Variants in FOXN3 observed in about 807,000 individuals in gnomAD.
FOXN3 encodes the protein forkhead box N3, also known as forkhead box protein N3.
Under a neutral mutation model 38.4 loss-of-function variants are expected in FOXN3, and 7 were observed. That is an observed-to-expected ratio of 0.18 (90% CI 0.10 to 0.34). FOXN3 has a LOEUF of 0.34. Ranked by LOEUF, FOXN3 falls within the 10% of genes least tolerant of loss-of-function variation. The pLI is 1.00. For synonymous variants in FOXN3, 230 were observed against 242.2 expected, an observed-to-expected ratio of 0.95 and a Z score of 0.47; for missense variants, 456 against 613.4, an observed-to-expected ratio of 0.74 and a Z score of 2.71.
chr14:89,238,251 T>C (rs556835230), intron 4 of FOXN3, among the ~76,000 whole-genome samples: 118 of 152,334 alleles, frequency 7.7e-4, no homozygotes, highest in Non-Finnish European at 1.3e-3. Context: ...GCAACATCAA[T>C]GGTAACTGTG....
intron 1 of FOXN3, among the ~76,000 whole-genome samples, chr14:89,513,096 C>T (rs1035196574): frequency 1.0e-4 from 15 of 146,956 alleles, no homozygotes; most frequent in Admixed American, 7.0e-4. Flanking sequence ...GCCGAGATCG[C>T]GCCACTGCAC....
chr14:89,377,487 T>C (rs1212154394), intron 2 of FOXN3, among the ~76,000 whole-genome samples: 1 of 152,202 alleles, frequency 6.6e-6, no homozygotes, highest in Non-Finnish European at 1.5e-5. Context: ...CTGAAAAGTT[T>C]ACAGGTGAGG....
chr14:89,424,976 A>G (rs1215576401), intron 1 of FOXN3, among the ~76,000 whole-genome samples: 1 of 152,100 alleles, frequency 6.6e-6, no homozygotes, highest in Admixed American at 6.5e-5. Flanking sequence ...CTTATCTGAT[A>G]CAAGAGGAGA....
chr14:89,376,483 A>C (rs943364991), intron 2 of FOXN3, among the ~76,000 whole-genome samples: 6 of 152,204 alleles, frequency 3.9e-5, no homozygotes, highest in African/African-American at 1.4e-4. Flanking sequence ...AATTAGAAAA[A>C]TCACCATTTT....
chr14:89,362,148 C>T (rs368002088), intron 2 of FOXN3, among the ~76,000 whole-genome samples: 347 of 10,324 alleles, frequency 0.034, 3 homozygotes, highest in Non-Finnish European at 0.039. Context: ...CCTCCAGCAC[C>T]ACCTCCACCA....
chr14:89,602,513 T>C (rs1292204383), intron 1 of FOXN3, among the ~76,000 whole-genome samples: 1 of 151,972 alleles, frequency 6.6e-6, no homozygotes, highest in Non-Finnish European at 1.5e-5. Flanking sequence ...TTTTTTTCTT[T>C]TGAGATGGAG....
At chr14:89,196,396 C>A (rs1371875361) in intron 4 of FOXN3, among the ~76,000 whole-genome samples, 1 of 152,152 alleles carries the variant, frequency 6.6e-6, no homozygotes, top group African/African-American at 2.4e-5. Flanking sequence ...GGGTTTAAGT[C>A]CTGGGTCTGC....
chr14:89,181,028 A>G (rs910696819), intron 4 of FOXN3, among the ~76,000 whole-genome samples: 1 of 151,540 alleles, frequency 6.6e-6, no homozygotes, highest in South Asian at 2.1e-4. Flanking sequence ...ACACACACAC[A>G]CATGCAGACA....
chr14:89,188,077 T>C (rs1404033634), intron 4 of FOXN3, among the ~76,000 whole-genome samples: 1 of 152,114 alleles, frequency 6.6e-6, no homozygotes, highest in Non-Finnish European at 1.5e-5. Flanking sequence ...GTTCTTGGCC[T>C]GGGGCTTTCA....
intron 1 of FOXN3, among the ~76,000 whole-genome samples, chr14:89,505,419 C>A (rs1382358637): frequency 6.6e-6 from 1 of 152,032 alleles, no homozygotes; most frequent in African/African-American, 2.4e-5. Context: ...CGATTGCAGG[C>A]GCGCACCGCC....
intron 4 of FOXN3, among the ~76,000 whole-genome samples, chr14:89,234,160 T>C (rs1884908946): frequency 6.6e-6 from 1 of 152,204 alleles, no homozygotes; most frequent in East Asian, 1.9e-4. Flanking sequence ...ACGAAATTCC[T>C]CTAGTACAGG....
chr14:89,353,246 T>C (rs528707927), intron 2 of FOXN3, among the ~76,000 whole-genome samples: 2 of 152,264 alleles, frequency 1.3e-5, no homozygotes, highest in Admixed American at 6.5e-5. Context: ...GATGGCATAA[T>C]ATAAAACACC....
chr14:89,524,569 A>ATTTCCTTT (rs1894399281), intron 1 of FOXN3, among the ~76,000 whole-genome samples: 1 of 151,688 alleles, frequency 6.6e-6, no homozygotes, highest in Non-Finnish European at 1.5e-5. Flanking sequence ...CATCAGTATT[A>ATTTCCTTT]TTAGGAAAAA....
chr14:89,599,942 C>T (rs909671414), intron 1 of FOXN3, among the ~76,000 whole-genome samples: 1 of 152,174 alleles, frequency 6.6e-6, no homozygotes, highest in Non-Finnish European at 1.5e-5. Context: ...ACTTTTTGAA[C>T]TGAAATTTTT....
Position 89,291,452 on chromosome 14 carries a change from G to C in FOXN3, c.681-10438C>G, listed in dbSNP as rs74081041. On this transcript the variant is annotated intron_variant, in intron 3 of 5. Coordinates refer to ENST00000557258, the MANE Select transcript of FOXN3 (RefSeq NM_005197.4). ...CATGCTGTTCATCAGCTTATCAAAG[G>C]CTTCCACGGAGGGTGCCACACCTCC... is the stretch of plus-strand genomic sequence containing the variant. 2,445 of 609,576 alleles carry C rather than the reference G, an allele frequency of 4.0e-3. 40 individuals carry two copies. In the African/African-American group the frequency reaches 0.041, roughly 10 times the overall value. The allele number at this position is 609,576 out of a possible 1,614,324, so 37.8% of individuals were successfully genotyped here.
intron 1 of FOXN3, among the ~76,000 whole-genome samples, chr14:89,507,141 A>G (rs867777819): frequency 1.2e-4 from 19 of 152,020 alleles, no homozygotes; most frequent in African/African-American, 4.1e-4. Flanking sequence ...AAAGAAAAAA[A>G]AAAAAAGAAA....
intron 3 of FOXN3, among the ~76,000 whole-genome samples, chr14:89,312,358 A>G (rs1305129691): frequency 1.3e-5 from 2 of 151,812 alleles, no homozygotes; most frequent in Non-Finnish European, 2.9e-5. Flanking sequence ...CAGCTGGCCA[A>G]TCCACACGGG....
chr14:89,424,986 A>C (rs962581483), intron 1 of FOXN3, among the ~76,000 whole-genome samples: 2 of 150,484 alleles, frequency 1.3e-5, no homozygotes, highest in Non-Finnish European at 2.9e-5. Flanking sequence ...ACAAGAGGAG[A>C]TCACCTCTCT....
intron 1 of FOXN3, among the ~76,000 whole-genome samples, chr14:89,614,164 A>G (rs1249919075): frequency 6.6e-6 from 1 of 152,262 alleles, no homozygotes; most frequent in Admixed American, 6.5e-5. Flanking sequence ...AAGCAGATTT[A>G]TATAGCTTGG....
Sources: allele counts gnomAD v4.1 joint callset (sites outside exome capture counted in the v4.1 genomes callset), GRCh38; gene constraint gnomAD v4.1.1; transcripts MANE v1.5; gene names NCBI Gene and HGNC (gene_info 2026-07-23, HGNC 2026-07-21).